Variants in MCM3AP observed in about 807,000 individuals in gnomAD.
The protein encoded by MCM3AP is germinal-center associated nuclear protein.
Under a neutral mutation model 184.1 loss-of-function variants are expected in MCM3AP, and 126 were observed. The observed-to-expected ratio is 0.68, with a 90% CI of 0.59 to 0.79. The LOEUF (loss-of-function observed/expected upper bound fraction) is 0.79, where lower values mean the gene tolerates loss of function less well. Ranked by LOEUF, MCM3AP falls within the 30% of genes least tolerant of loss-of-function variation. MCM3AP has a pLI of 0.00. For missense variants in MCM3AP, 2,496 were observed against 2,479.2 expected (o/e 1.01, Z -0.14); for synonymous variants, 1,002 against 979.3 (o/e 1.02, Z -0.43).
intron 8 of MCM3AP, 76 bp downstream of exon 8, chr21:46,272,485 C>T: frequency 7.0e-7 from 1 of 1,431,308 alleles, no homozygotes; most frequent in South Asian, 1.3e-5. Flanking sequence ...GCTACTGCCA[C>T]TCCTGAAAGC....
Position 46,279,978 on chromosome 21 carries a change from A to G in MCM3AP, c.1667+15T>C. On this transcript the variant is annotated intron_variant, in intron 4 of 27. Coordinates refer to ENST00000291688, the MANE Select transcript of MCM3AP (RefSeq NM_003906.5). ...GTCCTTCCGGAATAAGGTCATTAGGAGGGACCGATCCCACCTTTTATTCAG... is the reference window on the plus strand; with the variant it reads ...GTCCTTCCGGAATAAGGTCATTAGGGGGGACCGATCCCACCTTTTATTCAG... The G allele has an allele frequency of 3.1e-6, 5 of 1,605,920 alleles. No individual in the cohort carries two copies. The highest frequency in any genetic ancestry group is 4.2e-6 in the Non-Finnish European group (5 of 1,177,110).
chr21:46,250,909 ACTGAGAAATGG>A (rs1201331646), intron 20 of MCM3AP: 1 of 152,266 alleles, frequency 6.6e-6, no homozygotes, highest in Non-Finnish European at 1.5e-5. Context: ...AAATGGATAA[ACTGAGAAATGG>A]CTGTGTAAGT....
chr21:46,267,010 T>C lies in MCM3AP; in HGVS notation c.2761A>G (p.Thr921Ala). 1.9e-6 allele frequency: 3 copies of C among 1,613,226 alleles called. No individual in the cohort carries two copies. In the South Asian group the frequency reaches 3.3e-5, roughly 18 times the overall value. The change falls in exon 10 of 28, where the codon ACC (threonine) becomes GCC (alanine). Residue 921 changes from threonine to alanine, a missense_variant. Around this residue, in one of 5 missense-constraint regions of MCM3AP, gnomAD observed 138 missense variants for 191.9 expected, o/e 0.72. Coordinates refer to ENST00000291688, the MANE Select transcript of MCM3AP (RefSeq NM_003906.5). ...RDCEEATDFL[T>A]CHGLTVSDGC... ...TCGGAAACGGTGAGGCCGTGGCAGG[T>C]GAGGAAGTCGGTGGCCTCTTCACAG...
intron 13 of MCM3AP, 149 bp downstream of exon 13, chr21:46,263,968 G>C (rs985322500): frequency 3.6e-6 from 2 of 552,850 alleles, no homozygotes; most frequent in Non-Finnish European, 6.5e-6. Context: ...GAAGAATGTA[G>C]GGGAAAATCT....
At chr21:46,242,467 T>C (rs1381142455) in intron 25 of MCM3AP, 1 of 170,302 alleles carries the variant, frequency 5.9e-6, no homozygotes, top group Non-Finnish European at 1.2e-5. Flanking sequence ...CATTAATAGA[T>C]TTTCACTGTT....
At chr21:46,259,655 G>C (rs2081014391) in intron 15 of MCM3AP, among the ~76,000 whole-genome samples, 1 of 151,936 alleles carries the variant, frequency 6.6e-6, no homozygotes, top group African/African-American at 2.4e-5. Context: ...GCTCATGCCT[G>C]TAATCCCAGC....
At position 46,284,847 on chromosome 21, in the gene MCM3AP, T is replaced by G. The variant is rs2081385639; in HGVS notation, c.440A>C (p.Lys147Thr). 7.4e-6 allele frequency: 12 copies of G among 1,614,118 alleles called. No homozygotes were observed. Among genetic ancestry groups the G allele is most frequent in the Non-Finnish European group, 9.3e-6 (11 of 1,180,034 alleles). ...SGFGKTEFSFKPLENAVFKPI... is the reference protein window; with the variant it reads ...SGFGKTEFSFTPLENAVFKPI... ...TTTGAACACTGCATTTTCCAGAGGT[T>G]TAAAGCTGAATTCTGTTTTCCCAAA... Residue 147 changes from lysine to threonine, a missense_variant, in exon 1 of 28, where the codon AAA (lysine) becomes ACA (threonine). Lys to Thr is a moderately conservative substitution (Grantham distance 78). This residue lies in a region of MCM3AP where 800 missense variants were observed against 717.1 expected (regional missense o/e 1.12). Transcript: ENST00000291688.
intron 20 of MCM3AP, chr21:46,247,365 A>G (rs976218323): frequency 6.6e-6 from 1 of 152,308 alleles, no homozygotes; most frequent in African/African-American, 2.4e-5. Flanking sequence ...GATATAAGGC[A>G]TGTTCATATT....
Position 46,265,517 on chromosome 21 carries a change from C to A in MCM3AP, c.3038G>T (p.Gly1013Val). Reference protein sequence around the residue: ...QRPGSDTVGGGRGEECGVEPD... With the variant: ...QRPGSDTVGGVRGEECGVEPD... ...CTCTACACCACACTCCTCTCCTCTC[C>A]CTCCGCCTGGAAGGAAACATACAGG... The change falls in exon 12 of 28, where the codon GGG becomes GTG. Residue 1013 changes from glycine (G) to valine (V), a missense_variant. By Grantham distance (109) the Gly-to-Val change is moderately radical (BLOSUM62 -3). Coordinates refer to ENST00000291688, the MANE Select transcript of MCM3AP (RefSeq NM_003906.5). 1.3e-6 allele frequency: 2 copies of A among 1,591,136 alleles called. No homozygotes were observed. Among genetic ancestry groups the A allele is most frequent in the Non-Finnish European group, 1.7e-6 (2 of 1,169,084 alleles).
rs1274523943 is a variant in MCM3AP, at chr21:46,273,468, T to C, written c.2116A>G (p.Thr706Ala). The change falls in exon 7 of 28, where the codon ACC becomes GCC. Residue 706 changes from threonine to alanine, a missense_variant. Physicochemically the swap from Thr to Ala is moderately conservative, Grantham distance 58. Coordinates refer to ENST00000291688, the MANE Select transcript of MCM3AP (RefSeq NM_003906.5). Reference sequence around the variant, plus strand: ...CCCTCCTTCTGGTCCATGATCTGGGTCACCAGGTAGTCCATGGTCCTGCTG... The same window carrying C: ...CCCTCCTTCTGGTCCATGATCTGGGCCACCAGGTAGTCCATGGTCCTGCTG... ...VLSRTMDYLVTQIMDQKEGSL... is the reference protein window; with the variant it reads ...VLSRTMDYLVAQIMDQKEGSL... 1.2e-6 allele frequency: 2 copies of C among 1,613,946 alleles called. No individual in the cohort carries two copies. The highest frequency in any genetic ancestry group is 2.2e-5 in the South Asian group (2 of 91,072).
chr21:46,253,760 A>G (rs2080907785), intron 19 of MCM3AP: 2 of 152,642 alleles, frequency 1.3e-5, no homozygotes, highest in Admixed American at 1.3e-4. Context: ...CGCTGTTCTC[A>G]TGATAGTGAG....
rs949120375 is a variant in MCM3AP at position 46,266,795 on chromosome 21, T to C, written c.2789+187A>G. The C allele has an allele frequency of 1.1e-4, 68 of 618,078 alleles. No individual in the cohort carries two copies. In the African/African-American group the frequency reaches 1.1e-3, roughly 10 times the overall value. The allele number at this position is 618,078 out of a possible 1,614,324, so 38.3% of individuals were successfully genotyped here. A position where few individuals can be genotyped will look rare whatever the true frequency, so the allele number is the denominator to read the frequency against. On this transcript the variant is annotated intron_variant, in intron 10 of 27. Coordinates refer to ENST00000291688, the MANE Select transcript of MCM3AP (RefSeq NM_003906.5). ...CAAAGAACTTGGTCTGAGCCCTCAA[T>C]GTGCTGACAGCCAGGATGTGACCTT...
chr21:46,254,459 G>A lies in MCM3AP; in HGVS notation c.4069C>T (p.His1357Tyr). ...VAEHLPGRQE[H>Y]VFWKLVLVLP... ...ACCAGCACCAGCTTCCAAAACACATGCTCCTGCCTCCCAGGGAGGTGCTCA... is the reference window on the plus strand; with the variant it reads ...ACCAGCACCAGCTTCCAAAACACATACTCCTGCCTCCCAGGGAGGTGCTCA... The change falls in exon 19 of 28, where the codon CAT becomes TAT. Residue 1357 changes from histidine to tyrosine, a missense_variant. Physicochemically the swap from His to Tyr is moderately conservative, Grantham distance 83 (BLOSUM62 2). This residue lies in a region of MCM3AP where 1,323 missense variants were observed against 1,273.4 expected (regional missense o/e 1.04). Transcript: ENST00000291688. The A allele has an allele frequency of 1.2e-6, 2 of 1,614,138 alleles. No homozygotes were observed. The highest frequency in any genetic ancestry group is 1.1e-5 in the South Asian group (1 of 91,088).
At chr21:46,260,649 C>T in intron 15 of MCM3AP, 144 bp downstream of exon 15, 1 of 620,922 alleles carries the variant, frequency 1.6e-6, no homozygotes, top group African/African-American at 1.8e-5. Flanking sequence ...AGGACTGCAT[C>T]AAATACATTT....
At chr21:46,262,183 G>C (rs1394631918) in intron 13 of MCM3AP, among the ~76,000 whole-genome samples, 1 of 152,140 alleles carries the variant, frequency 6.6e-6, no homozygotes, top group African/African-American at 2.4e-5. Flanking sequence ...ACAAAGAAAG[G>C]TATGAGACCA....
At chr21:46,280,194 A>G in intron 3 of MCM3AP, 57 bp from the exon 4 acceptor site, 1 of 1,540,266 alleles carries the variant, frequency 6.5e-7, no homozygotes, top group Non-Finnish European at 9.0e-7. Flanking sequence ...CTGGAACTGG[A>G]TTTTTTCACT....
chr21:46,266,320 C>T (rs1487194540), intron 10 of MCM3AP, 154 bp from the exon 11 acceptor site: 2 of 740,452 alleles, frequency 2.7e-6, no homozygotes, highest in Non-Finnish European at 4.2e-6. Flanking sequence ...CTGCCGCCCA[C>T]CCTGGAGCCT....
At chr21:46,261,737 A>AAC (rs2081044763) in intron 13 of MCM3AP, among the ~76,000 whole-genome samples, 1 of 151,206 alleles carries the variant, frequency 6.6e-6, no homozygotes, top group Non-Finnish European at 1.5e-5. Context: ...TGTCTCAAAA[A>AAC]AAAAAAAAAA....
At position 46,264,130 on chromosome 21, in the gene MCM3AP, C is replaced by T. The variant is rs1601523325; in HGVS notation, c.3322G>A (p.Ala1108Thr). The change falls in exon 13 of 28, where the codon GCT becomes ACT. Residue 1108 changes from alanine (A) to threonine (T), a missense_variant. By Grantham distance (58) the Ala-to-Thr change is moderately conservative (BLOSUM62 0). This residue lies in a region of MCM3AP where 1,323 missense variants were observed against 1,273.4 expected (regional missense o/e 1.04). Coordinates refer to ENST00000291688, the MANE Select transcript of MCM3AP (RefSeq NM_003906.5). ...GATGCCACTCACCCCAGGGCGGCAG[C>T]TGCGTAGGCAGCACCCGCAGAGCCA... Reference protein sequence around the residue: ...EVGSAGAAYAAAALGVSNAAM... With the variant: ...EVGSAGAAYATAALGVSNAAM... The T allele has an allele frequency of 6.2e-7, 1 of 1,613,536 alleles. No homozygotes were observed.
Sources: allele counts gnomAD v4.1 joint callset (sites outside exome capture counted in the v4.1 genomes callset), GRCh38; gene constraint gnomAD v4.1.1; regional missense constraint gnomAD v4.1.1; transcripts MANE v1.5; gene names NCBI Gene and HGNC (gene_info 2026-07-23, HGNC 2026-07-21).